SGCZ: variants seen among roughly 807,000 people sequenced by gnomAD.
SGCZ encodes zeta-sarcoglycan.
In SGCZ, 40 loss-of-function variants were observed where a neutral mutation model predicts 41.3. The ratio of observed to expected loss-of-function variants is 0.97; its 90% CI spans 0.75 to 1.26. The LOEUF (loss-of-function observed/expected upper bound fraction) is 1.26, where lower values mean the gene tolerates loss of function less well. SGCZ is among the 50% of genes most tolerant of loss of function. The pLI is 0.00. For missense variants in SGCZ, 552 were observed against 369.8 expected (o/e 1.49, Z -4.04); for synonymous variants, 206 against 137.5 (o/e 1.50, Z -3.49).
intron 1 of SGCZ, among the ~76,000 whole-genome samples, chr8:15,122,434 A>G (rs1807517382): frequency 6.6e-6 from 1 of 152,132 alleles, no homozygotes; most frequent in African/African-American, 2.4e-5. Flanking sequence ...GAATTCAAAT[A>G]TCTTATTTCC....
At chr8:15,174,867 G>T (rs2117072565) in intron 1 of SGCZ, among the ~76,000 whole-genome samples, 1 of 152,274 alleles carries the variant, frequency 6.6e-6, no homozygotes, top group African/African-American at 2.4e-5. Flanking sequence ...TAAGGTTGTG[G>T]AGTCAAAGTA....
chr8:15,055,981 C>T (rs1164227252), intron 1 of SGCZ, among the ~76,000 whole-genome samples: 6 of 152,188 alleles, frequency 3.9e-5, no homozygotes, highest in African/African-American at 1.4e-4. Context: ...ATCTATCGAT[C>T]GTAAAGCTGG....
intron 1 of SGCZ, among the ~76,000 whole-genome samples, chr8:14,745,841 A>G (rs1372028677): frequency 1.3e-5 from 2 of 152,110 alleles, no homozygotes; most frequent in African/African-American, 2.4e-5. Flanking sequence ...TTATTTTTAT[A>G]TAACAAATTT....
chr8:14,588,647 A>C (rs1483211572), intron 1 of SGCZ, among the ~76,000 whole-genome samples: 1 of 152,172 alleles, frequency 6.6e-6, no homozygotes, highest in Non-Finnish European at 1.5e-5. Flanking sequence ...AAAAAGCAAG[A>C]AATAAAAACG....
intron 2 of SGCZ, among the ~76,000 whole-genome samples, chr8:14,325,071 T>A (rs1283163515): frequency 6.6e-6 from 1 of 152,112 alleles, no homozygotes; most frequent in East Asian, 1.9e-4. Context: ...ATACATATAA[T>A]TTAAGGAGAA....
chr8:14,988,642 A>C (rs560869150), intron 1 of SGCZ, among the ~76,000 whole-genome samples: 1 of 152,300 alleles, frequency 6.6e-6, no homozygotes, highest in African/African-American at 2.4e-5. Context: ...CATATTAAAA[A>C]AAAACTGTTA....
intron 1 of SGCZ, among the ~76,000 whole-genome samples, chr8:15,227,997 T>A (rs189771719): frequency 1.8e-3 from 278 of 152,348 alleles, no homozygotes; most frequent in African/African-American, 5.8e-3. Flanking sequence ...TTAAATCGTA[T>A]CTTTCCAGAA....
intron 1 of SGCZ, among the ~76,000 whole-genome samples, chr8:14,792,987 CATTT>C (rs1554500645): frequency 2.0e-5 from 3 of 152,172 alleles, no homozygotes; most frequent in Non-Finnish European, 4.4e-5. Flanking sequence ...CTGACACTTA[CATTT>C]ATTTGACAAT....
chr8:14,764,725 A>C (rs1237197626), intron 1 of SGCZ, among the ~76,000 whole-genome samples: 1 of 152,234 alleles, frequency 6.6e-6, no homozygotes, highest in Non-Finnish European at 1.5e-5. Context: ...TCCTGGACCA[A>C]ATCAAGAAGA....
intron 1 of SGCZ, among the ~76,000 whole-genome samples, chr8:15,096,465 T>C (rs1419379157): frequency 6.6e-6 from 1 of 152,092 alleles, no homozygotes; most frequent in Admixed American, 6.6e-5. Context: ...GAGACACTTG[T>C]GAGATGAAAA....
rs1417166117 is a variant in SGCZ at position 14,089,568 on chromosome 8, CAT to C, written c.*873_*874del. The stretch of plus-strand genomic sequence containing the variant: ...ATTAAAACCTAGGTGTAAAGGATAG[CAT>C]GTGAATTTTTTAAAAATCATCTATG... On this transcript the variant is annotated 3_prime_UTR_variant, in exon 8 of 8. Coordinates refer to ENST00000382080, the MANE Select transcript of SGCZ (RefSeq NM_139167.4). Among the ~76,000 whole-genome samples the C allele has an allele frequency of 6.6e-6, 1 of 151,914 alleles. No homozygotes were observed. The highest frequency in any genetic ancestry group is 1.5e-5 in the Non-Finnish European group (1 of 67,950).
At chr8:14,421,466 G>A (rs375367684) in intron 2 of SGCZ, among the ~76,000 whole-genome samples, 1 of 152,246 alleles carries the variant, frequency 6.6e-6, no homozygotes, top group African/African-American at 2.4e-5. Flanking sequence ...ATGCAATGTT[G>A]TGATCTCCAT....
At chr8:14,851,310 A>C (rs993879368) in intron 1 of SGCZ, among the ~76,000 whole-genome samples, 1 of 139,858 alleles carries the variant, frequency 7.2e-6, no homozygotes, top group Admixed American at 8.2e-5. Flanking sequence ...CAGAGCTTGC[A>C]GTAAGCCAAG....
At chr8:15,223,506 T>C (rs943174629) in intron 1 of SGCZ, among the ~76,000 whole-genome samples, 1 of 152,234 alleles carries the variant, frequency 6.6e-6, no homozygotes, top group Admixed American at 6.5e-5. Flanking sequence ...TACTTCATTA[T>C]TTAACGTGTG....
chr8:15,028,192 T>C (rs1265551691), intron 1 of SGCZ, among the ~76,000 whole-genome samples: 1 of 152,132 alleles, frequency 6.6e-6, no homozygotes, highest in Admixed American at 6.5e-5. Context: ...AAAGTTTTCA[T>C]TCCATCAGAA....
intron 1 of SGCZ, among the ~76,000 whole-genome samples, chr8:14,647,376 G>T (rs543690764): frequency 5.9e-5 from 9 of 152,052 alleles, no homozygotes; most frequent in African/African-American, 1.9e-4. Context: ...ACATACATTA[G>T]TAAAAGTTAT....
At chr8:14,297,930 G>C (rs1242264394) in intron 3 of SGCZ, among the ~76,000 whole-genome samples, 1 of 151,672 alleles carries the variant, frequency 6.6e-6, no homozygotes, top group Non-Finnish European at 1.5e-5. Flanking sequence ...CTAGATAAAA[G>C]TCTTACAATA....
chr8:14,480,796 T>C (rs1801515137), intron 2 of SGCZ, among the ~76,000 whole-genome samples: 4 of 152,074 alleles, frequency 2.6e-5, no homozygotes, highest in Admixed American at 2.6e-4. Context: ...ATTTCAAAAC[T>C]GTTAAAGTTT....
chr8:14,917,557 A>C (rs1349034131), intron 1 of SGCZ, among the ~76,000 whole-genome samples: 4 of 152,108 alleles, frequency 2.6e-5, no homozygotes, highest in Non-Finnish European at 5.9e-5. Context: ...TCAACATTTC[A>C]TGGTGGTCTA....
Sources: gnomAD v4.1 joint callset for allele counts (sites outside exome capture counted in the v4.1 genomes callset) on GRCh38, gnomAD v4.1.1 for gene constraint, MANE v1.5 for transcripts, NCBI Gene and HGNC (gene_info 2026-07-23, HGNC 2026-07-21) for gene names.